Variants in CNNM1 observed in about 807,000 individuals in gnomAD.
CNNM1 encodes cyclin and CBS domain divalent metal cation transport mediator 1.
Under a neutral mutation model 78.8 loss-of-function variants are expected in CNNM1, and 44 were observed. The ratio of observed to expected loss-of-function variants is 0.56; its 90% CI spans 0.44 to 0.72. The LOEUF (loss-of-function observed/expected upper bound fraction) is 0.72. Ranked by LOEUF, CNNM1 falls within the 30% of genes least tolerant of loss-of-function variation. The pLI, the probability that CNNM1 is intolerant of heterozygous loss-of-function variation, is 0.00. For synonymous variants in CNNM1, 584 were observed against 581.5 expected, an observed-to-expected ratio of 1.00 and a Z score of -0.06; for missense variants, 1,101 against 1,292.2, an observed-to-expected ratio of 0.85 and a Z score of 2.27.
chr10:99,372,018 G>A (rs1418240322), intron 6 of CNNM1, among the ~76,000 whole-genome samples: 1 of 152,160 alleles, frequency 6.6e-6, no homozygotes, highest in Non-Finnish European at 1.5e-5. Flanking sequence ...TGGGAGCTTA[G>A]CATTCTACTT....
chr10:99,367,612 G>T (rs922251009), intron 6 of CNNM1, among the ~76,000 whole-genome samples: 5 of 152,258 alleles, frequency 3.3e-5, no homozygotes, highest in Non-Finnish European at 7.3e-5. Flanking sequence ...TAACTCCATT[G>T]TGTCTCATAA....
At chr10:99,371,474 A>T (rs191714538) in intron 6 of CNNM1, among the ~76,000 whole-genome samples, 3 of 152,224 alleles carry the variant, frequency 2.0e-5, no homozygotes, top group African/African-American at 7.2e-5. Context: ...AATCCACAAA[A>T]GCACAGAGAC....
intron 1 of CNNM1, among the ~76,000 whole-genome samples, chr10:99,340,957 A>ATGCAC (rs1453165696): frequency 6.7e-6 from 1 of 148,604 alleles, no homozygotes; most frequent in Non-Finnish European, 1.5e-5. Context: ...GGCACTGGAG[A>ATGCAC]TGCAGTGTGG....
rs984320748 is a variant in CNNM1, at chr10:99,356,604, G to T, written c.1574-908G>T. 2.8e-4 allele frequency among the ~76,000 whole-genome samples: 18 copies of T among 64,758 alleles called. No individual in the cohort carries two copies. In the East Asian group the frequency reaches 9.9e-3, roughly 35 times the overall value. The allele number at this position is 64,758 out of a possible 152,430, so 42.5% of individuals were successfully genotyped here. The stretch of plus-strand genomic sequence containing the variant: ...AGAAAGAAAGAAAGAAAGAAAGAAA[G>T]AAAAGAAAGAAAGAAAGAAAAGAAA... On this transcript the variant is annotated intron_variant, in intron 1 of 10. Coordinates refer to ENST00000356713, the MANE Select transcript of CNNM1 (RefSeq NM_020348.3).
intron 1 of CNNM1, among the ~76,000 whole-genome samples, chr10:99,354,493 G>A (rs1417210817): frequency 6.6e-6 from 1 of 152,110 alleles, no homozygotes; most frequent in East Asian, 1.9e-4. Context: ...ATATATGGAG[G>A]GAACTTTATT....
chr10:99,353,004 A>G (rs2031002468), intron 1 of CNNM1, among the ~76,000 whole-genome samples: 2 of 151,774 alleles, frequency 1.3e-5, no homozygotes, highest in African/African-American at 4.8e-5. Context: ...GTTCACTTTT[A>G]TGTATAGTAT....
At chr10:99,381,326 A>G (rs2032144369) in intron 7 of CNNM1, among the ~76,000 whole-genome samples, 1 of 151,644 alleles carries the variant, frequency 6.6e-6, no homozygotes, top group Admixed American at 6.6e-5. Flanking sequence ...AGGCAGGAGA[A>G]TCGCTTCAAC....
chr10:99,370,437 T>A (rs1589912097), intron 6 of CNNM1, among the ~76,000 whole-genome samples: 1 of 152,212 alleles, frequency 6.6e-6, no homozygotes, highest in East Asian at 1.9e-4. Flanking sequence ...CTCTCCACCT[T>A]GTGTCTGGTC....
At chr10:99,377,637 C>G (rs953100187) in intron 7 of CNNM1, among the ~76,000 whole-genome samples, 7 of 152,202 alleles carry the variant, frequency 4.6e-5, no homozygotes, top group African/African-American at 1.7e-4. Context: ...AGAAACCATG[C>G]TATACATCTG....
chr10:99,390,555 T>C, intron 10 of CNNM1, 148 bp downstream of exon 10: 1 of 650,900 alleles, frequency 1.5e-6, no homozygotes, highest in Non-Finnish European at 2.7e-6. Context: ...GCAGAAGGGG[T>C]TGGGCCAGCA....
At chr10:99,347,546 A>G (rs1242926467) in intron 1 of CNNM1, among the ~76,000 whole-genome samples, 1 of 92,498 alleles carries the variant, frequency 1.1e-5, no homozygotes, top group Admixed American at 1.1e-4. Context: ...CAAAAACAAA[A>G]ACATAAGTCA....
chr10:99,377,282 CA>C (rs1781264548), intron 7 of CNNM1, 64 bp downstream of exon 7: 1 of 1,471,730 alleles, frequency 6.8e-7, no homozygotes, highest in African/African-American at 1.4e-5. Flanking sequence ...CTGAGCGGGA[CA>C]AGAAGACTAC....
In CNNM1 at chr10:99,370,941, T is replaced by C. The variant is rs529304238; in HGVS notation, c.2176+5939T>C. ...TTTGGGAGATAGGCAGGAATAGTCA[T>C]TGAAAAACAACAGATTAAAAAACAG... On this transcript the variant is annotated intron_variant, in intron 6 of 10. Coordinates refer to ENST00000356713, the MANE Select transcript of CNNM1 (RefSeq NM_020348.3). 1.2e-4 allele frequency among the ~76,000 whole-genome samples: 19 copies of C among 152,238 alleles called. No individual in the cohort carries two copies. The South Asian group carries it at 2.9e-3, about 23-fold the overall frequency.
intron 1 of CNNM1, among the ~76,000 whole-genome samples, chr10:99,356,592 G>GAAAGA (rs2031208326): frequency 8.1e-6 from 1 of 124,220 alleles, no homozygotes; most frequent in African/African-American, 3.4e-5. Flanking sequence ...AAGAAAGAAA[G>GAAAGA]AAAGAAAGAA....
chr10:99,354,728 G>A (rs377622693), intron 1 of CNNM1, among the ~76,000 whole-genome samples: 7 of 152,250 alleles, frequency 4.6e-5, no homozygotes, highest in African/African-American at 1.7e-4. Context: ...TGGCAGCAGT[G>A]GGGAAGAGAA....
At chr10:99,362,028 G>A (rs535626981) in intron 3 of CNNM1, among the ~76,000 whole-genome samples, 199 bp from the exon 4 acceptor site, 5 of 152,208 alleles carry the variant, frequency 3.3e-5, no homozygotes, top group Non-Finnish European at 5.9e-5. Context: ...TCCAGAGGAC[G>A]TGGGTAAGGC....
intron 2 of CNNM1, among the ~76,000 whole-genome samples, chr10:99,359,681 C>T (rs369057374): frequency 2.0e-5 from 3 of 152,078 alleles, no homozygotes; most frequent in Admixed American, 6.5e-5. Flanking sequence ...ACCAGGGAGC[C>T]GGATTCTGGG....
At chr10:99,356,604 G>GAAAGAAAGAAAGAAAT (rs1469805680) in intron 1 of CNNM1, among the ~76,000 whole-genome samples, 1 of 64,698 alleles carries the variant, frequency 1.5e-5, no homozygotes, top group East Asian at 5.5e-4. Flanking sequence ...AAGAAAGAAA[G>GAAAGAAAGAAAGAAAT]AAAAGAAAGA....
chr10:99,388,096 C>T, intron 8 of CNNM1, 56 bp from the exon 9 acceptor site: 1 of 1,605,710 alleles, frequency 6.2e-7, no homozygotes, highest in Non-Finnish European at 8.5e-7. Flanking sequence ...CTCACACCAC[C>T]TGAGCCCTGG....
Sources: allele counts gnomAD v4.1 joint callset (sites outside exome capture counted in the v4.1 genomes callset), GRCh38; gene constraint gnomAD v4.1.1; transcripts MANE v1.5; gene names NCBI Gene and HGNC (gene_info 2026-07-23, HGNC 2026-07-21).